ZNF385D: variants seen among roughly 807,000 people sequenced by gnomAD.
ZNF385D encodes zinc finger protein 385D.
ZNF385D carries 15 observed loss-of-function variants against 35.8 expected under a neutral mutation model. The ratio of observed to expected loss-of-function variants is 0.42; its 90% CI spans 0.28 to 0.64. ZNF385D has a LOEUF of 0.64. Ranked by LOEUF, ZNF385D falls within the 30% of genes least tolerant of loss-of-function variation. The probability of loss-of-function intolerance (pLI) is 0.23; values close to 1 mark genes in which losing one functional copy is unlikely to be tolerated. For synonymous variants in ZNF385D, 212 were observed against 186.8 expected, an observed-to-expected ratio of 1.13 and a Z score of -1.10; for missense variants, 474 against 494.6, an observed-to-expected ratio of 0.96 and a Z score of 0.39.
intron 3 of ZNF385D, among the ~76,000 whole-genome samples, chr3:21,928,699 C>T (rs986871224): frequency 4.6e-5 from 7 of 152,008 alleles, no homozygotes; most frequent in African/African-American, 9.7e-5. Context: ...AATAAAGAAA[C>T]GTTATAACAG....
chr3:22,146,222 C>T (rs1203883437), intron 3 of ZNF385D, among the ~76,000 whole-genome samples: 1 of 152,162 alleles, frequency 6.6e-6, no homozygotes, highest in Non-Finnish European at 1.5e-5. Context: ...GATTTCACCT[C>T]ACAGTTCTAC....
At chr3:21,767,263 T>A (rs1389001202) in intron 3 of ZNF385D, among the ~76,000 whole-genome samples, 1 of 152,102 alleles carries the variant, frequency 6.6e-6, no homozygotes, top group East Asian at 1.9e-4. Flanking sequence ...TGTGTAATCA[T>A]CCTACAAAAT....
intron 2 of ZNF385D, among the ~76,000 whole-genome samples, chr3:21,609,312 A>G (rs2064596581): frequency 6.6e-6 from 1 of 152,212 alleles, no homozygotes; most frequent in Non-Finnish European, 1.5e-5. Context: ...AATTGTTTTC[A>G]GATTTCAATC....
intron 2 of ZNF385D, among the ~76,000 whole-genome samples, chr3:22,238,474 T>A (rs1318153416): frequency 6.6e-6 from 1 of 151,052 alleles, no homozygotes; most frequent in Non-Finnish European, 1.5e-5. Context: ...ACTTAGGATT[T>A]TTTTCAACTT....
intron 3 of ZNF385D, among the ~76,000 whole-genome samples, chr3:21,836,800 G>A (rs970880697): frequency 6.6e-6 from 1 of 151,052 alleles, no homozygotes; most frequent in Non-Finnish European, 1.5e-5. Flanking sequence ...AAACATTCTC[G>A]GCTCACAATG....
chr3:22,145,268 A>C lies in ZNF385D; in HGVS notation c.325+23549T>G, dbSNP rs78660675. Among the ~76,000 whole-genome samples, 967 of 152,344 alleles carry C rather than the reference A, an allele frequency of 6.3e-3. 9 individuals carry two copies. The highest frequency in any genetic ancestry group is 0.022 in the African/African-American group (934 of 41,586). On this transcript the variant is annotated intron_variant, in intron 3 of 5. Transcript: ENST00000494108. ...GTTATTAGGTTGGTGCATTAATGGC[A>C]AAAACCACAATTACTTTTGCATCAA...
chr3:21,886,382 C>T (rs1314964299), intron 3 of ZNF385D, among the ~76,000 whole-genome samples: 4 of 142,244 alleles, frequency 2.8e-5, no homozygotes, highest in Non-Finnish European at 6.2e-5. Flanking sequence ...AAAAAACTTT[C>T]TACCCCTTTT....
At chr3:21,621,286 C>T (rs1273025426) in intron 2 of ZNF385D, among the ~76,000 whole-genome samples, 1 of 152,094 alleles carries the variant, frequency 6.6e-6, no homozygotes, top group Non-Finnish European at 1.5e-5. Flanking sequence ...AAGCTAAGTT[C>T]TAAGTCCTAT....
intron 2 of ZNF385D, among the ~76,000 whole-genome samples, chr3:21,565,334 G>GACAA (rs1378052875): frequency 1.3e-5 from 2 of 152,000 alleles, no homozygotes; most frequent in Non-Finnish European, 1.5e-5. Flanking sequence ...TCCAGGACAG[G>GACAA]ACAAACAACA....
intron 2 of ZNF385D, among the ~76,000 whole-genome samples, chr3:22,284,177 T>TTTTG (rs143956125): frequency 6.6e-6 from 1 of 151,214 alleles, no homozygotes; most frequent in African/African-American, 2.4e-5. Context: ...AACACAGGAT[T>TTTTG]TTTGTTTGTT....
chr3:21,501,833 G>T (rs1706393185), intron 4 of ZNF385D, among the ~76,000 whole-genome samples: 1 of 152,176 alleles, frequency 6.6e-6, no homozygotes, highest in Non-Finnish European at 1.5e-5. Context: ...GTTTCCAGAA[G>T]TGTGGCATCT....
At position 22,094,386 on chromosome 3, in the gene ZNF385D, A is replaced by ATT. The variant is rs35936454; in HGVS notation, c.325+74430_325+74431insAA. 8.9e-4 allele frequency among the ~76,000 whole-genome samples: 21 copies of ATT among 23,490 alleles called. 1 individual carries two copies. The highest frequency in any genetic ancestry group is 7.4e-3 in the Admixed American group (18 of 2,434). The allele number at this position is 23,490 out of a possible 152,430, so 15.4% of individuals were successfully genotyped here. A position where few individuals can be genotyped will look rare whatever the true frequency, so the allele number is the denominator to read the frequency against. Reference sequence around the variant, plus strand: ...CATTGTCTTCTGTCATTTATTGTTGATATATATATATATATATATATATAA... The same window carrying ATT: ...CATTGTCTTCTGTCATTTATTGTTGATTTATATATATATATATATATATATAA... On this transcript the variant is annotated intron_variant, in intron 3 of 5. Coordinates refer to the ZNF385D transcript ENST00000494108.
rs1396222646 is a variant in ZNF385D, at chr3:21,574,089, TGAAA to T, written c.166-9409_166-9406del. ...AAAAAAAAAAAAGGAAGGGAGGAAG[TGAAA>T]GAAAGAAAGAATGTATCTAGGCAGT... On this transcript the variant is annotated intron_variant, in intron 2 of 7. Transcript: ENST00000281523. Among the ~76,000 whole-genome samples, 59 of 139,318 alleles carry T rather than the reference TGAAA, an allele frequency of 4.2e-4. 2 individuals carry two copies. The highest frequency in any genetic ancestry group is 1.5e-3 in the African/African-American group (55 of 37,354). 91.4% of individuals were successfully genotyped at this position (139,318 alleles called of 152,430 possible).
chr3:22,129,639 A>G (rs78076236), intron 3 of ZNF385D, among the ~76,000 whole-genome samples: 4,729 of 152,144 alleles, frequency 0.031, 255 homozygotes, highest in African/African-American at 0.11. Flanking sequence ...TAGCCTGGAT[A>G]TCACTGGTGT....
chr3:22,200,613 A>G (rs1696723276), intron 2 of ZNF385D, among the ~76,000 whole-genome samples: 1 of 151,894 alleles, frequency 6.6e-6, no homozygotes, highest in Non-Finnish European at 1.5e-5. Flanking sequence ...GGGTTTTGAG[A>G]GCAACTAGTC....
intron 3 of ZNF385D, among the ~76,000 whole-genome samples, chr3:22,035,336 A>G (rs1295738891): frequency 2.0e-5 from 3 of 152,176 alleles, no homozygotes; most frequent in African/African-American, 4.8e-5. Flanking sequence ...CCATCTAGCA[A>G]TATCTTCTCC....
intron 3 of ZNF385D, among the ~76,000 whole-genome samples, chr3:21,925,239 T>C (rs1700669385): frequency 6.6e-6 from 1 of 152,170 alleles, no homozygotes; most frequent in Non-Finnish European, 1.5e-5. Flanking sequence ...TTACTCAATT[T>C]CAAGACTTTC....
At chr3:22,025,868 A>C (rs1432022349) in intron 3 of ZNF385D, among the ~76,000 whole-genome samples, 2 of 152,166 alleles carry the variant, frequency 1.3e-5, no homozygotes, top group Non-Finnish European at 1.5e-5. Flanking sequence ...TCTTCTCTGT[A>C]TGTCAGATAT....
chr3:21,994,968 G>A (rs965462234), intron 3 of ZNF385D, among the ~76,000 whole-genome samples: 15 of 152,210 alleles, frequency 9.9e-5, no homozygotes, highest in African/African-American at 3.6e-4. Flanking sequence ...GCCCTCAGAT[G>A]GCATACATGT....
Sources: allele counts gnomAD v4.1 joint callset (sites outside exome capture counted in the v4.1 genomes callset), GRCh38; gene constraint gnomAD v4.1.1; transcripts MANE v1.5; gene names NCBI Gene and HGNC (gene_info 2026-07-23, HGNC 2026-07-21).